LMAN2L: variants seen among roughly 807,000 people sequenced by gnomAD.
LMAN2L encodes the protein VIP36-like protein.
A neutral mutation model predicts 44.3 loss-of-function variants in LMAN2L; 30 were observed. That is an observed-to-expected ratio of 0.68 (90% confidence interval 0.51 to 0.92). LMAN2L has a LOEUF of 0.92. Ranked by LOEUF, LMAN2L falls within the 40% of genes least tolerant of loss-of-function variation. The pLI is 0.00. For synonymous variants in LMAN2L, 183 were observed against 171.1 expected (o/e 1.07, Z -0.54); for missense variants, 429 against 446.1 (o/e 0.96, Z 0.35).
chr2:96,707,627 A>G lies in LMAN2L; in HGVS notation c.904+87T>C, dbSNP rs2077812985. Reference sequence around the variant, plus strand: ...CCTACCCTTCAGAAGAAGAACACAGAGCAGAGACCGCCCTGTGAGCTATGG... The same window carrying G: ...CCTACCCTTCAGAAGAAGAACACAGGGCAGAGACCGCCCTGTGAGCTATGG... On this transcript the variant is annotated intron_variant, in intron 7 of 7. Coordinates refer to ENST00000264963, the MANE Select transcript of LMAN2L (RefSeq NM_030805.4). The G allele has an allele frequency of 2.0e-6, 3 of 1,492,366 alleles. No individual in the cohort carries two copies. In the African/African-American group the frequency reaches 4.2e-5, roughly 21 times the overall value. 92.4% of individuals were successfully genotyped at this position (1,492,366 alleles called of 1,614,324 possible).
At chr2:96,732,054 T>C (rs553864333) in intron 4 of LMAN2L, among the ~76,000 whole-genome samples, 9 of 152,144 alleles carry the variant, frequency 5.9e-5, no homozygotes, top group Non-Finnish European at 7.4e-5. Context: ...GGTTTCATAA[T>C]GTTGGCCAGG....
intron 4 of LMAN2L, among the ~76,000 whole-genome samples, chr2:96,712,291 G>C (rs2153321997): frequency 6.6e-6 from 1 of 152,334 alleles, no homozygotes; most frequent in East Asian, 1.9e-4. Context: ...GTCCTCCTAA[G>C]ACGCTGGAGT....
chr2:96,709,232 T>A (rs1384218061), intron 6 of LMAN2L, among the ~76,000 whole-genome samples: 3 of 152,152 alleles, frequency 2.0e-5, no homozygotes, highest in Non-Finnish European at 1.5e-5. Context: ...GAAGTTAGAT[T>A]CTTATTGATG....
At chr2:96,729,782 G>A (rs1483528429) in intron 4 of LMAN2L, among the ~76,000 whole-genome samples, 2 of 151,960 alleles carry the variant, frequency 1.3e-5, no homozygotes, top group East Asian at 1.9e-4. Context: ...CTGGGATTAC[G>A]GGTGTGAGCC....
At chr2:96,735,171 G>C (rs1043991012) in intron 2 of LMAN2L, among the ~76,000 whole-genome samples, 2 of 152,334 alleles carry the variant, frequency 1.3e-5, no homozygotes, top group African/African-American at 4.8e-5. Context: ...GAAGATGGAT[G>C]CAAGTGGATG....
In LMAN2L at chr2:96,711,837, C is replaced by T. The variant is rs1347227202; in HGVS notation, c.669+27G>A. ...GCAAGAGCGACACAGCCCACACCAC[C>T]ATCTGGTCCAGGACAAGGACTCTCA... is the stretch of plus-strand genomic sequence containing the variant. On this transcript the variant is annotated intron_variant, in intron 5 of 7. Transcript: ENST00000264963. The T allele has an allele frequency of 2.5e-6, 4 of 1,613,502 alleles. No individual in the cohort carries two copies. In the African/African-American group the frequency reaches 4.0e-5, roughly 16 times the overall value.
intron 4 of LMAN2L, among the ~76,000 whole-genome samples, chr2:96,730,733 C>T (rs545116071): frequency 6.6e-6 from 1 of 151,976 alleles, no homozygotes; most frequent in Non-Finnish European, 1.5e-5. Context: ...AGTGCAGTGG[C>T]GTGATCTCAG....
At chr2:96,713,181 A>G in intron 4 of LMAN2L, 1 of 1,532,558 alleles carries the variant, frequency 6.5e-7, no homozygotes, top group Non-Finnish European at 8.8e-7. Context: ...AAGAGAGGGC[A>G]CAGAAGACAG....
intron 4 of LMAN2L, among the ~76,000 whole-genome samples, chr2:96,721,458 A>G (rs1333703790): frequency 1.3e-5 from 2 of 149,538 alleles, no homozygotes; most frequent in Non-Finnish European, 3.0e-5. Flanking sequence ...TTGGTCTCCT[A>G]AAGTGCTAGA....
chr2:96,719,751 T>A (rs1558953330), intron 4 of LMAN2L, among the ~76,000 whole-genome samples: 1 of 152,138 alleles, frequency 6.6e-6, no homozygotes, highest in African/African-American at 2.4e-5. Context: ...ATGCGCCATA[T>A]CCCAGCTAAT....
chr2:96,713,109 G>A lies in LMAN2L; in HGVS notation c.508-1084C>T, dbSNP rs1214396500. On this transcript the variant is annotated intron_variant, in intron 4 of 7. Transcript: ENST00000264963. ...ATGATGAGCCAAGAACTGAGTACCT[G>A]GACTCCTGGAGAATATCGCCTCTTC... 3.9e-6 allele frequency: 6 copies of A among 1,551,028 alleles called. No homozygotes were observed. The African/African-American group carries it at 8.2e-5, about 21-fold the overall frequency.
intron 6 of LMAN2L, among the ~76,000 whole-genome samples, chr2:96,710,672 A>T (rs1037185958): frequency 2.8e-4 from 42 of 152,212 alleles, no homozygotes; most frequent in South Asian, 2.1e-3. Flanking sequence ...ATATATATAA[A>T]AAAAAATCCA....
chr2:96,722,443 G>A (rs2078178143), intron 4 of LMAN2L, among the ~76,000 whole-genome samples: 1 of 151,848 alleles, frequency 6.6e-6, no homozygotes, highest in Admixed American at 6.6e-5. Flanking sequence ...CTCCTAAGGA[G>A]AAAACTAGAT....
At chr2:96,730,671 C>CCTCT (rs113684894) in intron 4 of LMAN2L, among the ~76,000 whole-genome samples, 19,317 of 151,710 alleles carry the variant, frequency 0.13, 1,988 homozygotes, top group African/African-American at 0.28. Flanking sequence ...CTCATTATCC[C>CCTCT]CTCTCTCTCT....
rs143337559 is a variant in LMAN2L, at chr2:96,711,882, G to A, written c.651C>T (p.Tyr217=). Residue 217 remains tyrosine (Y), a synonymous_variant, in exon 5 of 8, where the codon TAC becomes TAT. Coordinates refer to ENST00000264963, the MANE Select transcript of LMAN2L (RefSeq NM_030805.4). ...LHYDTFLVIR[Y]VKRHLTIMMD... Reference sequence around the variant, plus strand: ...CTCTCACCGTCAAATGCCTCTTGACGTAGCGAATCACCAGGAAGGTGTCGT... The same window carrying A: ...CTCTCACCGTCAAATGCCTCTTGACATAGCGAATCACCAGGAAGGTGTCGT... 48 of 1,614,202 alleles carry A rather than the reference G, an allele frequency of 3.0e-5. No individual in the cohort carries two copies. The Middle Eastern group carries it at 6.6e-4, about 22-fold the overall frequency.
At chr2:96,728,214 G>A (rs1358559672) in intron 4 of LMAN2L, among the ~76,000 whole-genome samples, 4 of 152,306 alleles carry the variant, frequency 2.6e-5, no homozygotes, top group East Asian at 1.9e-4. Flanking sequence ...CTGGCCAGGC[G>A]CGGTGGCTCA....
In LMAN2L at chr2:96,711,893, C is replaced by A. The variant is rs781673762; in HGVS notation, c.640G>T (p.Val214Leu). The change falls in exon 5 of 8, where the codon GTG (valine) becomes TTG (leucine). Residue 214 changes from valine to leucine, a missense_variant. By Grantham distance (32) the Val-to-Leu change is conservative. Coordinates refer to ENST00000264963, the MANE Select transcript of LMAN2L (RefSeq NM_030805.4). ...VRNLHYDTFL[V>L]IRYVKRHLTI... ...AAATGCCTCTTGACGTAGCGAATCA[C>A]CAGGAAGGTGTCGTAATGAAGATTG... is the stretch of plus-strand genomic sequence containing the variant. 1.9e-6 allele frequency: 3 copies of A among 1,614,186 alleles called. No individual in the cohort carries two copies. The highest frequency in any genetic ancestry group is 1.7e-6 in the Non-Finnish European group (2 of 1,180,036).
intron 4 of LMAN2L, among the ~76,000 whole-genome samples, chr2:96,721,326 CTTTTTTTTTTTT>C (rs56023035): frequency 1.9e-4 from 16 of 84,600 alleles, no homozygotes; most frequent in Non-Finnish European, 2.0e-4. Context: ...TTCTTTCAGT[CTTTTTTTTTTTT>C]TTTTTTTTTT....
intron 5 of LMAN2L, 45 bp downstream of exon 5, chr2:96,711,819 C>T (rs771446082): frequency 9.9e-6 from 16 of 1,612,450 alleles, no homozygotes; most frequent in Admixed American, 3.3e-5. Context: ...GGAGCAAGAG[C>T]GACACAGCCC....
Sources: gnomAD v4.1 joint callset for allele counts (sites outside exome capture counted in the v4.1 genomes callset) on GRCh38, gnomAD v4.1.1 for gene constraint, MANE v1.5 for transcripts, NCBI Gene and HGNC (gene_info 2026-07-23, HGNC 2026-07-21) for gene names.